KCNMB2: variants seen among roughly 807,000 people sequenced by gnomAD.
The protein encoded by KCNMB2 is calcium-activated potassium channel subunit beta-2.
KCNMB2 carries 9 observed loss-of-function variants against 24.5 expected under a neutral mutation model. The ratio of observed to expected loss-of-function variants is 0.37; its 90% CI spans 0.22 to 0.64. The LOEUF is 0.64. Ranked by LOEUF, KCNMB2 falls within the 30% of genes least tolerant of loss-of-function variation. The pLI, the probability that KCNMB2 is intolerant of heterozygous loss-of-function variation, is 0.63. For synonymous variants in KCNMB2, 109 were observed against 104.4 expected (o/e 1.04, Z -0.27); for missense variants, 226 against 284.3 (o/e 0.79, Z 1.47).
chr3:178,837,518 T>C (rs1715277731), intron 4 of KCNMB2, among the ~76,000 whole-genome samples: 1 of 152,176 alleles, frequency 6.6e-6, no homozygotes, highest in African/African-American at 2.4e-5. Context: ...GATTGACAAA[T>C]AGTAGAATTT....
At chr3:178,734,718 A>G (rs1723262462) in intron 1 of KCNMB2, among the ~76,000 whole-genome samples, 1 of 152,168 alleles carries the variant, frequency 6.6e-6, no homozygotes, top group Non-Finnish European at 1.5e-5. Context: ...ATTCCAGAAG[A>G]ATTCTCCATT....
chr3:178,698,293 AT>A (rs1256140716), intron 1 of KCNMB2, among the ~76,000 whole-genome samples: 1 of 152,024 alleles, frequency 6.6e-6, no homozygotes, highest in Admixed American at 6.5e-5. Context: ...ATAATCCCAT[AT>A]TTTTTGGAGG....
rs569465897 is a variant in KCNMB2, at chr3:178,682,190, G to C, written c.-67-125153G>C. Reference sequence around the variant, plus strand: ...TTATTTCAGTAGGTTAAGTAATTTGGGAAATGTTACTTACTATTGCTAAAT... The same window carrying C: ...TTATTTCAGTAGGTTAAGTAATTTGCGAAATGTTACTTACTATTGCTAAAT... On this transcript the variant is annotated intron_variant, in intron 1 of 4. Transcript: ENST00000452583. Among the ~76,000 whole-genome samples the C allele has an allele frequency of 7.9e-5, 12 of 152,200 alleles. No individual in the cohort carries two copies. In the South Asian group the frequency reaches 2.5e-3, roughly 32 times the overall value.
intron 2 of KCNMB2, among the ~76,000 whole-genome samples, chr3:178,818,618 T>C (rs1234299784): frequency 6.6e-6 from 1 of 152,164 alleles, no homozygotes; most frequent in Non-Finnish European, 1.5e-5. Flanking sequence ...ATCATTTCTC[T>C]TTTTTTAAAC....
chr3:178,656,275 C>T (rs1403891592), intron 1 of KCNMB2, among the ~76,000 whole-genome samples: 3 of 152,158 alleles, frequency 2.0e-5, no homozygotes, highest in Admixed American at 6.5e-5. Context: ...AGTCCCAAAA[C>T]GATTCTCCAG....
chr3:178,606,780 G>A (rs1302024977), intron 1 of KCNMB2, among the ~76,000 whole-genome samples: 1 of 152,106 alleles, frequency 6.6e-6, no homozygotes, highest in African/African-American at 2.4e-5. Flanking sequence ...AAGAGGTAAG[G>A]GGCTTTGGTA....
In KCNMB2 at chr3:178,735,271, A is replaced by G. The variant is rs191164088; in HGVS notation, c.-67-72072A>G. 6.6e-5 allele frequency among the ~76,000 whole-genome samples: 10 copies of G among 152,388 alleles called. No homozygotes were observed. The East Asian group carries it at 1.9e-3, about 29-fold the overall frequency. On this transcript the variant is annotated intron_variant, in intron 1 of 4. Transcript: ENST00000452583. Reference sequence around the variant, plus strand: ...CAGCTGGTCAGAACTAAGGCAGGACAGAGGGACACAGGAGATGGCCTGGAT... The same window carrying G: ...CAGCTGGTCAGAACTAAGGCAGGACGGAGGGACACAGGAGATGGCCTGGAT...
At chr3:178,547,049 A>T (rs1268002302) in intron 1 of KCNMB2, among the ~76,000 whole-genome samples, 1 of 152,244 alleles carries the variant, frequency 6.6e-6, no homozygotes, top group Non-Finnish European at 1.5e-5. Context: ...TGGGACCTTT[A>T]GGTGAGCAGG....
chr3:178,830,362 T>G (rs879809325), intron 4 of KCNMB2, among the ~76,000 whole-genome samples: 43 of 152,170 alleles, frequency 2.8e-4, no homozygotes, highest in Non-Finnish European at 5.4e-4. Flanking sequence ...CTACTGCTGA[T>G]GGACATTTTG....
chr3:178,802,543 T>TA (rs1430074072), intron 1 of KCNMB2, among the ~76,000 whole-genome samples: 2 of 152,078 alleles, frequency 1.3e-5, no homozygotes, highest in Admixed American at 1.3e-4. Context: ...AGAGTATCCA[T>TA]AAATAATTAA....
intron 1 of KCNMB2, among the ~76,000 whole-genome samples, chr3:178,563,430 T>C (rs1240901784): frequency 2.0e-5 from 3 of 152,206 alleles, no homozygotes; most frequent in Non-Finnish European, 4.4e-5. Flanking sequence ...GACAGTATTC[T>C]GATAAATGAA....
At chr3:178,635,067 T>A (rs972039212) in intron 1 of KCNMB2, among the ~76,000 whole-genome samples, 1 of 152,118 alleles carries the variant, frequency 6.6e-6, no homozygotes, top group Non-Finnish European at 1.5e-5. Context: ...CTTTTCAGCC[T>A]TAAGGCATAG....
intron 1 of KCNMB2, among the ~76,000 whole-genome samples, chr3:178,625,125 T>TC (rs1465370929): frequency 6.6e-6 from 1 of 151,170 alleles, no homozygotes; most frequent in Non-Finnish European, 1.5e-5. Flanking sequence ...TGGCCCTTCT[T>TC]CCCCCCATCA....
intron 1 of KCNMB2, among the ~76,000 whole-genome samples, chr3:178,592,010 C>T (rs1050239426): frequency 6.6e-6 from 1 of 152,056 alleles, no homozygotes; most frequent in Non-Finnish European, 1.5e-5. Context: ...TTCCTAGTGT[C>T]GGTTTTAGCC....
chr3:178,637,957 TAG>T (rs1719588385), intron 1 of KCNMB2, among the ~76,000 whole-genome samples: 1 of 152,160 alleles, frequency 6.6e-6, no homozygotes, highest in Non-Finnish European at 1.5e-5. Flanking sequence ...AGCACCCTCT[TAG>T]TGATACAGCT....
chr3:178,564,129 T>C (rs1716423572), intron 1 of KCNMB2, among the ~76,000 whole-genome samples: 1 of 151,716 alleles, frequency 6.6e-6, no homozygotes, highest in Admixed American at 6.6e-5. Context: ...AATAAAAAAA[T>C]TAGCCAGGTG....
At position 178,692,478 on chromosome 3, in the gene KCNMB2, C is replaced by A. The variant is rs111740504; in HGVS notation, c.-67-114865C>A. ...TCTGCATTTGGCTAGCCAGTTAACC[C>A]AGCACCATTTATTGAACAGGGAATC... On this transcript the variant is annotated intron_variant, in intron 1 of 4. Coordinates refer to ENST00000452583, the MANE Select transcript of KCNMB2 (RefSeq NM_181361.3). Among the ~76,000 whole-genome samples, 253 of 152,282 alleles carry A rather than the reference C, an allele frequency of 1.7e-3. 1 individual carries two copies. Among genetic ancestry groups the A allele is most frequent in the African/African-American group, 5.8e-3 (242 of 41,538 alleles).
intron 1 of KCNMB2, among the ~76,000 whole-genome samples, chr3:178,581,088 G>C (rs1033811421): frequency 1.3e-5 from 2 of 152,134 alleles, no homozygotes; most frequent in Non-Finnish European, 2.9e-5. Flanking sequence ...AACAAAGCTG[G>C]AGGCATCACA....
At chr3:178,819,188 C>A (rs182817631) in intron 2 of KCNMB2, among the ~76,000 whole-genome samples, 2 of 152,196 alleles carry the variant, frequency 1.3e-5, no homozygotes, top group East Asian at 1.9e-4. Context: ...TTAAGGAATG[C>A]CTGAAAAAGT....
Sources: allele counts gnomAD v4.1 joint callset (sites outside exome capture counted in the v4.1 genomes callset), GRCh38; gene constraint gnomAD v4.1.1; transcripts MANE v1.5; gene names NCBI Gene and HGNC (gene_info 2026-07-23, HGNC 2026-07-21).